Variants in NBEA observed in about 807,000 individuals in gnomAD.
NBEA encodes lysosomal-trafficking regulator 2.
In NBEA, 44 loss-of-function variants were observed where a neutral mutation model predicts 343.4. The ratio of observed to expected loss-of-function variants is 0.13; its 90% CI spans 0.10 to 0.16. The LOEUF is 0.16. Ranked by LOEUF, NBEA falls within the 10% of genes least tolerant of loss-of-function variation. The pLI is 1.00. For synonymous variants in NBEA, 1,175 were observed against 1,238.7 expected (o/e 0.95, Z 1.08); for missense variants, 2,555 against 3,631.3 (o/e 0.70, Z 7.62).
At chr13:35,203,675 G>T (rs548286266) in intron 31 of NBEA, among the ~76,000 whole-genome samples, 3 of 152,096 alleles carry the variant, frequency 2.0e-5, no homozygotes, top group Non-Finnish European at 4.4e-5. Context: ...CTAGCTTTGA[G>T]ATAGGATAAA....
At chr13:35,373,707 A>T (rs369251772) in intron 38 of NBEA, among the ~76,000 whole-genome samples, 18 of 149,722 alleles carry the variant, frequency 1.2e-4, no homozygotes, top group East Asian at 2.0e-4. Context: ...ACTGTCTCAA[A>T]AATAATAATA....
At chr13:35,167,040 T>C (rs2070090895) in intron 24 of NBEA, among the ~76,000 whole-genome samples, 1 of 151,778 alleles carries the variant, frequency 6.6e-6, no homozygotes, top group Non-Finnish European at 1.5e-5. Context: ...TAATTTTGTT[T>C]ATATATATAT....
intron 41 of NBEA, among the ~76,000 whole-genome samples, chr13:35,512,750 A>T (rs2077325576): frequency 6.6e-6 from 1 of 152,164 alleles, no homozygotes; most frequent in Non-Finnish European, 1.5e-5. Flanking sequence ...CCTATTTTTT[A>T]GTCAGGCCAA....
intron 36 of NBEA, among the ~76,000 whole-genome samples, chr13:35,323,932 T>C (rs1240055947): frequency 6.6e-6 from 1 of 152,210 alleles, no homozygotes; most frequent in Non-Finnish European, 1.5e-5. Context: ...ATCATATTTT[T>C]TTTGTTCTTG....
chr13:35,548,503 C>T (rs919693996), intron 41 of NBEA, among the ~76,000 whole-genome samples: 2 of 152,084 alleles, frequency 1.3e-5, no homozygotes, highest in African/African-American at 4.8e-5. Flanking sequence ...ATCTTTCTGA[C>T]ATAATGCTAT....
intron 41 of NBEA, among the ~76,000 whole-genome samples, chr13:35,520,947 T>G (rs566207689): frequency 6.6e-6 from 1 of 152,282 alleles, no homozygotes; most frequent in South Asian, 2.1e-4. Context: ...AAAAAATCTT[T>G]TATTCCCTCA....
chr13:35,234,202 CT>C (rs1271413033), intron 34 of NBEA, among the ~76,000 whole-genome samples: 5 of 152,072 alleles, frequency 3.3e-5, no homozygotes, highest in Non-Finnish European at 5.9e-5. Flanking sequence ...TTAAGTAGGG[CT>C]GTCACCCTGG....
At chr13:35,038,705 C>G (rs987872490) in intron 1 of NBEA, among the ~76,000 whole-genome samples, 9 of 152,030 alleles carry the variant, frequency 5.9e-5, no homozygotes, top group African/African-American at 2.2e-4. Context: ...TCAGGGTGCC[C>G]TATTCTTCTG....
chr13:35,119,256 T>G (rs540834514), intron 16 of NBEA, among the ~76,000 whole-genome samples: 52 of 152,190 alleles, frequency 3.4e-4, no homozygotes, highest in African/African-American at 1.1e-3. Flanking sequence ...TTTTCTGGAG[T>G]TTTAATTAGT....
At chr13:35,027,383 CTT>C (rs553757512) in intron 1 of NBEA, among the ~76,000 whole-genome samples, 6 of 145,386 alleles carry the variant, frequency 4.1e-5, no homozygotes, top group Admixed American at 1.4e-4. Context: ...GACAGATCCA[CTT>C]TTTTTTTTTT....
At chr13:35,164,333 C>T in intron 23 of NBEA, 23 bp from the exon 24 acceptor site, 2 of 1,551,344 alleles carry the variant, frequency 1.3e-6, no homozygotes, top group Non-Finnish European at 1.7e-6. Context: ...AAAACATACT[C>T]ATTTCTGTTT....
chr13:35,137,660 C>T (rs982498813), intron 17 of NBEA, among the ~76,000 whole-genome samples: 5 of 151,986 alleles, frequency 3.3e-5, no homozygotes, highest in African/African-American at 1.2e-4. Flanking sequence ...TTCTCTTACT[C>T]TCCATAAAAA....
intron 44 of NBEA, among the ~76,000 whole-genome samples, chr13:35,559,110 A>C (rs1201305185): frequency 6.6e-6 from 1 of 152,212 alleles, no homozygotes; most frequent in Non-Finnish European, 1.5e-5. Flanking sequence ...GCCAGTTTAA[A>C]CTGAGCACCA....
chr13:35,476,279 G>C, intron 41 of NBEA: 1 of 1,398,738 alleles, frequency 7.1e-7, no homozygotes, highest in East Asian at 2.4e-5. Flanking sequence ...TTTCGGAAGT[G>C]CTGCAGCGTT....
chr13:35,406,938 G>A (rs1327154820), intron 38 of NBEA, among the ~76,000 whole-genome samples: 1 of 145,820 alleles, frequency 6.9e-6, no homozygotes. Flanking sequence ...GATGTTTATG[G>A]GTTTTTTTTT....
chr13:35,124,249 C>T (rs1007890684), intron 17 of NBEA, among the ~76,000 whole-genome samples: 2 of 147,698 alleles, frequency 1.4e-5, no homozygotes, highest in Middle Eastern at 3.5e-3. Flanking sequence ...TCATTTTCGC[C>T]CTTGTTTTTT....
At chr13:35,649,031 A>T (rs949524275) in intron 51 of NBEA, among the ~76,000 whole-genome samples, 1 of 152,152 alleles carries the variant, frequency 6.6e-6, no homozygotes, top group African/African-American at 2.4e-5. Flanking sequence ...AATTAAAAAA[A>T]AAGAAGAAGA....
chr13:35,033,011 T>G (rs1239362890), intron 1 of NBEA, among the ~76,000 whole-genome samples: 1 of 151,866 alleles, frequency 6.6e-6, no homozygotes, highest in Non-Finnish European at 1.5e-5. Context: ...TAACTTAATG[T>G]GATTCCATTT....
chr13:35,314,677 C>T (rs2037599821), intron 36 of NBEA, among the ~76,000 whole-genome samples: 1 of 152,172 alleles, frequency 6.6e-6, no homozygotes, highest in Non-Finnish European at 1.5e-5. Flanking sequence ...TAATCTTCCT[C>T]TGACATTGTT....
Sources: gnomAD v4.1 joint callset for allele counts (sites outside exome capture counted in the v4.1 genomes callset) on GRCh38, gnomAD v4.1.1 for gene constraint, MANE v1.5 for transcripts, NCBI Gene and HGNC (gene_info 2026-07-23, HGNC 2026-07-21) for gene names.